CDH13: variants seen among roughly 807,000 people sequenced by gnomAD.
CDH13 encodes cadherin-13.
Under a neutral mutation model 63.8 loss-of-function variants are expected in CDH13, and 24 were observed. The observed-to-expected ratio is 0.38, with a 90% CI of 0.27 to 0.53. The LOEUF is 0.53. Ranked by LOEUF, CDH13 falls within the 20% of genes least tolerant of loss-of-function variation. CDH13 has a pLI of 0.85. For missense variants in CDH13, 1,049 were observed against 903.1 expected (o/e 1.16, Z -2.07); for synonymous variants, 503 against 355.3 (o/e 1.42, Z -4.67).
intron 1 of CDH13, among the ~76,000 whole-genome samples, chr16:82,663,255 C>A (rs1282206082): frequency 6.6e-6 from 1 of 152,122 alleles, no homozygotes; most frequent in Non-Finnish European, 1.5e-5. Flanking sequence ...GGCGCGATCT[C>A]GGCTCACCGC....
At chr16:83,457,376 G>T (rs911922855) in intron 6 of CDH13, among the ~76,000 whole-genome samples, 1 of 152,112 alleles carries the variant, frequency 6.6e-6, no homozygotes, top group African/African-American at 2.4e-5. Flanking sequence ...GCACTGAAGG[G>T]CTTTGAAGTC....
chr16:83,191,490 C>CATATAT (rs2038704038), intron 4 of CDH13, among the ~76,000 whole-genome samples: 2 of 66,254 alleles, frequency 3.0e-5, no homozygotes, highest in African/African-American at 5.6e-5. Context: ...TATATATATG[C>CATATAT]ACATATATAT....
chr16:83,100,775 G>A (rs947475679), intron 3 of CDH13, among the ~76,000 whole-genome samples: 1 of 152,176 alleles, frequency 6.6e-6, no homozygotes, highest in East Asian at 1.9e-4. Context: ...CATCCCCTTA[G>A]GGTATACACT....
At chr16:82,953,817 C>T (rs1207031109) in intron 2 of CDH13, 1 of 152,126 alleles carries the variant, frequency 6.6e-6, no homozygotes, top group Non-Finnish European at 1.5e-5. Flanking sequence ...TAAACAATTC[C>T]AGTCAATTAT....
intron 5 of CDH13, among the ~76,000 whole-genome samples, chr16:83,254,119 G>C (rs943318761): frequency 1.3e-5 from 2 of 152,152 alleles, no homozygotes; most frequent in Non-Finnish European, 1.5e-5. Context: ...TCCGAAGTGT[G>C]GTAGCAAGCC....
chr16:83,625,455 T>A lies in CDH13; in HGVS notation c.1101+22861T>A, dbSNP rs562727028. 3.0e-3 allele frequency among the ~76,000 whole-genome samples: 455 copies of A among 152,292 alleles called. 1 individual carries two copies. Among genetic ancestry groups the A allele is most frequent in the Non-Finnish European group, 3.9e-3 (263 of 68,024 alleles). Reference sequence around the variant, plus strand: ...CCATTTTCTTCATCCTCCTTCCACATGCTACTGACCATCGCTAACAGGACT... The same window carrying A: ...CCATTTTCTTCATCCTCCTTCCACAAGCTACTGACCATCGCTAACAGGACT... On this transcript the variant is annotated intron_variant, in intron 8 of 13. Transcript: ENST00000567109.
At chr16:83,465,427 C>T (rs1378027894) in intron 6 of CDH13, among the ~76,000 whole-genome samples, 2 of 152,202 alleles carry the variant, frequency 1.3e-5, no homozygotes, top group Non-Finnish European at 2.9e-5. Context: ...TCTTTTGAAG[C>T]ACTCTGTCCC....
At chr16:82,785,923 C>G (rs574228186) in intron 1 of CDH13, among the ~76,000 whole-genome samples, 2 of 152,198 alleles carry the variant, frequency 1.3e-5, no homozygotes, top group Non-Finnish European at 2.9e-5. Context: ...GGAAGGGGTT[C>G]TTATCCCTGA....
At chr16:83,586,684 T>TC (rs1906191625) in intron 7 of CDH13, among the ~76,000 whole-genome samples, 1 of 152,130 alleles carries the variant, frequency 6.6e-6, no homozygotes, top group East Asian at 1.9e-4. Flanking sequence ...TGGGAGCAGG[T>TC]CAGGGCAGTC....
intron 2 of CDH13, among the ~76,000 whole-genome samples, chr16:83,025,956 G>A (rs528153235): frequency 1.3e-5 from 2 of 152,250 alleles, no homozygotes; most frequent in South Asian, 2.1e-4. Flanking sequence ...GAGAGTGGGG[G>A]CAGGTATTGC....
intron 4 of CDH13, among the ~76,000 whole-genome samples, chr16:83,137,504 C>G (rs892768523): frequency 2.6e-5 from 4 of 152,116 alleles, no homozygotes; most frequent in Admixed American, 6.5e-5. Context: ...CACATGTTGA[C>G]AAGCAAAAAA....
At chr16:83,780,775 G>A (rs1301887263) in intron 12 of CDH13, among the ~76,000 whole-genome samples, 1 of 152,106 alleles carries the variant, frequency 6.6e-6, no homozygotes, top group Non-Finnish European at 1.5e-5. Context: ...TGGCCAACCT[G>A]CCCAGTCTCA....
chr16:82,778,613 C>T (rs78667175), intron 1 of CDH13, among the ~76,000 whole-genome samples: 1 of 143,800 alleles, frequency 7.0e-6, no homozygotes, highest in East Asian at 2.0e-4. Context: ...TATCTATTCT[C>T]ACTACACAGC....
chr16:82,915,816 C>T (rs2041969947), intron 2 of CDH13, among the ~76,000 whole-genome samples: 1 of 150,296 alleles, frequency 6.7e-6, no homozygotes, highest in African/African-American at 2.5e-5. Context: ...CATACACCCT[C>T]TACAAAATAG....
intron 8 of CDH13, among the ~76,000 whole-genome samples, chr16:83,607,967 A>T (rs1310282447): frequency 1.3e-5 from 2 of 152,188 alleles, no homozygotes; most frequent in African/African-American, 4.8e-5. Context: ...TGCCCAACAA[A>T]TACTGATTGA....
At chr16:83,102,687 C>A (rs74033150) in intron 3 of CDH13, among the ~76,000 whole-genome samples, 1 of 151,980 alleles carries the variant, frequency 6.6e-6, no homozygotes, top group Non-Finnish European at 1.5e-5. Context: ...GAGGTATAGT[C>A]AGGAGATGTG....
chr16:82,744,602 A>T (rs908011907), intron 1 of CDH13, among the ~76,000 whole-genome samples: 1 of 152,044 alleles, frequency 6.6e-6, no homozygotes, highest in African/African-American at 2.4e-5. Flanking sequence ...TATAGCTCCA[A>T]GAAGGAGCTA....
chr16:82,858,639 G>T (rs753648011), intron 2 of CDH13, 166 bp downstream of exon 2: 2 of 672,476 alleles, frequency 3.0e-6, no homozygotes, highest in East Asian at 5.4e-5. Flanking sequence ...TGAGGGCCTG[G>T]CCAACTTAGA....
At chr16:83,251,011 C>G (rs1905461953) in intron 5 of CDH13, among the ~76,000 whole-genome samples, 1 of 151,284 alleles carries the variant, frequency 6.6e-6, no homozygotes. Context: ...GGTTTTTCTC[C>G]TGCTCCTCAT....
Sources: allele counts gnomAD v4.1 joint callset (sites outside exome capture counted in the v4.1 genomes callset), GRCh38; gene constraint gnomAD v4.1.1; transcripts MANE v1.5; gene names NCBI Gene and HGNC (gene_info 2026-07-23, HGNC 2026-07-21).